Variants in CHST9 observed in about 807,000 individuals in gnomAD.
CHST9 encodes the protein GalNAc-4-sulfotransferase 2.
Under a neutral mutation model 44.4 loss-of-function variants are expected in CHST9, and 41 were observed. That is an observed-to-expected ratio of 0.92 (90% CI 0.72 to 1.20). CHST9 has a LOEUF of 1.20. CHST9 is among the 50% of genes most tolerant of loss of function. The pLI is 0.00. For missense variants in CHST9, 504 were observed against 516.5 expected, an observed-to-expected ratio of 0.98 and a Z score of 0.23; for synonymous variants, 171 against 178.4, an observed-to-expected ratio of 0.96 and a Z score of 0.33.
intron 3 of CHST9, among the ~76,000 whole-genome samples, chr18:27,040,257 A>G (rs1021520039): frequency 8.5e-5 from 13 of 152,198 alleles, no homozygotes. Context: ...AATGTTGGAA[A>G]GATGTTCAAA....
At chr18:27,021,721 T>A (rs1308415359) in intron 4 of CHST9, among the ~76,000 whole-genome samples, 3 of 152,360 alleles carry the variant, frequency 2.0e-5, no homozygotes, top group African/African-American at 7.2e-5. Context: ...AGTAACCCAG[T>A]GGTTCCTATC....
intron 3 of CHST9, among the ~76,000 whole-genome samples, chr18:27,035,837 T>C (rs1264459621): frequency 6.6e-6 from 1 of 152,108 alleles, no homozygotes; most frequent in Non-Finnish European, 1.5e-5. Context: ...CACTGTATTG[T>C]AAAATTTAAA....
At chr18:27,079,540 T>A (rs1458465027) in intron 2 of CHST9, among the ~76,000 whole-genome samples, 2 of 152,280 alleles carry the variant, frequency 1.3e-5, no homozygotes, top group African/African-American at 2.4e-5. Context: ...TTTAAAAAAA[T>A]TTATATCTGC....
At chr18:27,089,146 T>C (rs1294080936) in intron 2 of CHST9, among the ~76,000 whole-genome samples, 1 of 152,028 alleles carries the variant, frequency 6.6e-6, no homozygotes, top group Non-Finnish European at 1.5e-5. Context: ...TTTCCTTCAT[T>C]TTTTTTTATT....
intron 2 of CHST9, among the ~76,000 whole-genome samples, chr18:27,082,857 C>T (rs1037984200): frequency 1.3e-5 from 2 of 152,136 alleles, no homozygotes; most frequent in Admixed American, 1.3e-4. Context: ...TGGTGTGCTA[C>T]GTGCAATTTG....
intron 2 of CHST9, among the ~76,000 whole-genome samples, chr18:27,140,478 A>G (rs577377809): frequency 4.0e-4 from 61 of 152,356 alleles, no homozygotes; most frequent in African/African-American, 1.4e-3. Flanking sequence ...GTGACAGACT[A>G]AACACATTTC....
chr18:26,960,999 A>G (rs2056391784), intron 4 of CHST9, among the ~76,000 whole-genome samples: 1 of 152,230 alleles, frequency 6.6e-6, no homozygotes, highest in Non-Finnish European at 1.5e-5. Flanking sequence ...AGCGCTTACA[A>G]CATACCAGCA....
chr18:27,118,962 T>A (rs1357296378), intron 2 of CHST9, among the ~76,000 whole-genome samples: 3 of 152,254 alleles, frequency 2.0e-5, no homozygotes, highest in Non-Finnish European at 2.9e-5. Context: ...ACAGTTACAT[T>A]TTGTAGGCAT....
chr18:27,183,526 A>G (rs2058930361), intron 1 of CHST9, among the ~76,000 whole-genome samples: 1 of 152,176 alleles, frequency 6.6e-6, no homozygotes, highest in African/African-American at 2.4e-5. Flanking sequence ...ACTGTAATGA[A>G]GGGGATAAAA....
At chr18:27,133,463 G>C (rs2058488846) in intron 2 of CHST9, among the ~76,000 whole-genome samples, 1 of 152,156 alleles carries the variant, frequency 6.6e-6, no homozygotes, top group African/African-American at 2.4e-5. Context: ...AGTTAAGACA[G>C]AGCCCACAGA....
chr18:27,084,471 T>TA (rs2057990947), intron 2 of CHST9, among the ~76,000 whole-genome samples: 2 of 151,046 alleles, frequency 1.3e-5, no homozygotes, highest in South Asian at 2.1e-4. Flanking sequence ...TTTTTTTTTT[T>TA]ATTTCTGTGG....
chr18:27,075,878 G>C (rs538321295), intron 2 of CHST9, among the ~76,000 whole-genome samples: 4 of 152,148 alleles, frequency 2.6e-5, no homozygotes, highest in Non-Finnish European at 4.4e-5. Context: ...AGGATCCATG[G>C]AGCAAATTAT....
intron 4 of CHST9, among the ~76,000 whole-genome samples, chr18:26,988,455 G>T (rs2056779061): frequency 6.6e-6 from 1 of 152,052 alleles, no homozygotes; most frequent in Non-Finnish European, 1.5e-5. Flanking sequence ...TATAAAGAAG[G>T]TCATATCATA....
intron 2 of CHST9, among the ~76,000 whole-genome samples, chr18:27,082,121 A>G (rs934050281): frequency 2.6e-5 from 4 of 152,246 alleles, no homozygotes; most frequent in African/African-American, 9.6e-5. Flanking sequence ...TATTAAGTAC[A>G]AATGCATCCC....
intron 5 of CHST9, among the ~76,000 whole-genome samples, chr18:26,938,911 G>C (rs1315266630): frequency 6.6e-6 from 1 of 152,178 alleles, no homozygotes; most frequent in Non-Finnish European, 1.5e-5. Context: ...TGACACAGCA[G>C]GTTTGAACAT....
intron 2 of CHST9, among the ~76,000 whole-genome samples, chr18:27,129,277 T>G (rs1045176230): frequency 2.0e-5 from 3 of 152,200 alleles, no homozygotes. Context: ...TTTTCAAGTT[T>G]TATACTTCTT....
At chr18:27,137,365 G>GAC (rs1249520741) in intron 2 of CHST9, among the ~76,000 whole-genome samples, 30 of 151,186 alleles carry the variant, frequency 2.0e-4, no homozygotes, top group African/African-American at 7.3e-4. Flanking sequence ...TATAGAGAGA[G>GAC]AGAGAGAGAA....
intron 1 of CHST9, among the ~76,000 whole-genome samples, chr18:27,147,482 G>C (rs572646629): frequency 1.2e-4 from 19 of 152,160 alleles, no homozygotes; most frequent in South Asian, 6.2e-4. Flanking sequence ...GCTGTTCCCA[G>C]ATGAGTGTTG....
intron 3 of CHST9, among the ~76,000 whole-genome samples, chr18:27,042,691 T>G (rs527442033): frequency 2.0e-4 from 30 of 152,076 alleles, no homozygotes; most frequent in Non-Finnish European, 3.1e-4. Flanking sequence ...TAGAAGATAC[T>G]GGGCGCAGAG....
Sources: allele counts gnomAD v4.1 joint callset (sites outside exome capture counted in the v4.1 genomes callset), GRCh38; gene constraint gnomAD v4.1.1; transcripts MANE v1.5; gene names NCBI Gene and HGNC (gene_info 2026-07-23, HGNC 2026-07-21).